The following ANKRD54 variants were observed in gnomAD, a reference collection of about 807,000 sequenced individuals.
ANKRD54 encodes ankyrin repeat domain 54, also known as ankyrin repeat domain-containing protein 54.
A neutral mutation model predicts 36.2 loss-of-function variants in ANKRD54; 26 were observed. The observed-to-expected ratio is 0.72, with a 90% CI of 0.53 to 1.00. The LOEUF is 1.00. Among genes scored for constraint, ANKRD54 ranks in the 50% least tolerant of loss-of-function variants. ANKRD54 has a pLI of 0.00. For missense variants in ANKRD54, 384 were observed against 424.3 expected (o/e 0.91, Z 0.83); for synonymous variants, 209 against 188.4 (o/e 1.11, Z -0.89).
At chr22:37,840,051 G>A in intron 2 of ANKRD54, 136 bp downstream of exon 2, 1 of 1,017,770 alleles carries the variant, frequency 9.8e-7, no homozygotes, top group Non-Finnish European at 1.5e-6. Context: ...TGACTGCACA[G>A]TCAGACAATA....
chr22:37,841,804 C>T (rs1047802671), intron 1 of ANKRD54, among the ~76,000 whole-genome samples: 11 of 150,788 alleles, frequency 7.3e-5, no homozygotes, highest in South Asian at 2.1e-4. Context: ...GCCAAGATCG[C>T]GCCACTGCAC....
At chr22:37,838,768 T>G (rs1923857937) in intron 2 of ANKRD54, among the ~76,000 whole-genome samples, 170 bp from the exon 3 acceptor site, 1 of 152,118 alleles carries the variant, frequency 6.6e-6, no homozygotes, top group Non-Finnish European at 1.5e-5. Flanking sequence ...AAGCAACTTG[T>G]TCTTCTGAGG....
intron 1 of ANKRD54, 100 bp from the exon 2 acceptor site, chr22:37,840,334 A>G (rs1924070663): frequency 6.3e-6 from 8 of 1,273,548 alleles, no homozygotes; most frequent in Admixed American, 3.4e-5. Context: ...CAAGGCAGGC[A>G]GATCACAAGG....
chr22:37,832,129 C>T (rs750135116), intron 7 of ANKRD54, 112 bp from the exon 8 acceptor site: 13 of 1,010,336 alleles, frequency 1.3e-5, no homozygotes, highest in African/African-American at 4.8e-5. Flanking sequence ...CCTCCCAGGG[C>T]GTGTGGTGGC....
rs1450300420 is a variant in ANKRD54, at chr22:37,843,956, C to T, written c.283G>A (p.Ala95Thr). ...KIPAGRLRRA[A>T]RPHRRLGPTG... ...GGCCCGAGCCGCCGGTGGGGCCTGG[C>T]AGCGCGCCTCAGCCGGCCAGCGGGT... Residue 95 changes from alanine (A) to threonine (T), a missense_variant, in exon 1 of 8, where the codon GCC becomes ACC. By Grantham distance (58) the Ala-to-Thr change is moderately conservative. Around this residue, in one of 3 missense-constraint regions of ANKRD54, gnomAD observed 195 missense variants for 177.7 expected, o/e 1.10. Coordinates refer to ENST00000215941, the MANE Select transcript of ANKRD54 (RefSeq NM_138797.4). 7.2e-7 allele frequency: 1 copy of T among 1,398,400 alleles called. No homozygotes were observed. Among genetic ancestry groups the T allele is most frequent in the Non-Finnish European group, 9.3e-7 (1 of 1,078,796 alleles). The allele number at this position is 1,398,400 out of a possible 1,614,324, so 86.6% of individuals were successfully genotyped here.
intron 1 of ANKRD54, 167 bp downstream of exon 1, chr22:37,843,744 A>T: frequency 5.5e-6 from 2 of 363,046 alleles, no homozygotes; most frequent in Non-Finnish European, 9.3e-6. Context: ...CATCATCACC[A>T]TCGTTACTGA....
intron 1 of ANKRD54, among the ~76,000 whole-genome samples, chr22:37,842,944 C>A (rs994702197): frequency 2.0e-5 from 3 of 152,168 alleles, no homozygotes; most frequent in African/African-American, 7.2e-5. Context: ...GCTATGTGAC[C>A]TGGAATAAGA....
At chr22:37,845,845 G>A (rs1924808428), upstream of ANKRD54, among the ~76,000 whole-genome samples, 1 of 151,660 alleles carries the variant, frequency 6.6e-6, no homozygotes, top group South Asian at 2.1e-4. Context: ...CTCCAGCCTG[G>A]GTGACAGAGC....
chr22:37,844,188 C>G lies in ANKRD54; in HGVS notation c.51G>C (p.Ser17=). Residue 17 remains serine (S), a synonymous_variant, in exon 1 of 8, where the codon TCG becomes TCC. Transcript: ENST00000215941. ...DADDEPRSGH[S]SSEGECAVAP... is the part of the protein sequence containing the mutation. ...CCACCGCGCACTCGCCCTCCGAGCT[C>G]GAGTGGCCTGAGCGCGGCTCGTCGT... 1 of 1,516,266 alleles carries G rather than the reference C, an allele frequency of 6.6e-7. No individual in the cohort carries two copies. The highest frequency in any genetic ancestry group is 8.8e-7 in the Non-Finnish European group (1 of 1,140,562). 93.9% of individuals were successfully genotyped at this position (1,516,266 alleles called of 1,614,324 possible).
chr22:37,838,234 C>T (rs1439792261), intron 3 of ANKRD54, among the ~76,000 whole-genome samples: 2 of 152,326 alleles, frequency 1.3e-5, no homozygotes, highest in Admixed American at 6.5e-5. Flanking sequence ...CTGGGCCCTG[C>T]ACTCTCCAGT....
chr22:37,833,041 GGGGT>G lies in ANKRD54; in HGVS notation c.633_636del (p.Pro212CysfsTer8). The G allele has an allele frequency of 6.2e-7, 1 of 1,614,210 alleles. No homozygotes were observed. The highest frequency in any genetic ancestry group is 8.5e-7 in the Non-Finnish European group (1 of 1,180,030). On this transcript the variant is annotated frameshift_variant, in exon 6 of 8. Coordinates refer to ENST00000215941, the MANE Select transcript of ANKRD54 (RefSeq NM_138797.4). LOFTEE classifies it high-confidence loss of function. ...TTCAGCTTTGACTTGGCCAGGTGCA[GGGGT>G]GTGCGACCAGCTCGGTCCAGGGCAT...
chr22:37,847,313 C>G (rs1256332314), upstream of ANKRD54, among the ~76,000 whole-genome samples: 7 of 151,776 alleles, frequency 4.6e-5, no homozygotes, highest in Non-Finnish European at 1.0e-4. Context: ...CAGGCATATG[C>G]CACCATGCCC....
chr22:37,847,567 G>A (rs959883638), upstream of ANKRD54: 7 of 425,196 alleles, frequency 1.6e-5, no homozygotes, highest in Non-Finnish European at 3.2e-5. Flanking sequence ...TGGAAGATGA[G>A]GGTTGGTTAG....
At chr22:37,843,696 G>A (rs1453319099) in intron 1 of ANKRD54, 2 of 298,990 alleles carry the variant, frequency 6.7e-6, no homozygotes, top group African/African-American at 2.2e-5. Context: ...AGAAGACTGG[G>A]GTGACTGGCT....
At position 37,832,730 on chromosome 22, in the gene ANKRD54, C is replaced by T. The variant is rs771139290; in HGVS notation, c.735G>A (p.Leu245=). Residue 245 remains leucine, a synonymous_variant, in exon 7 of 8, where the codon CTG becomes CTA. Transcript: ENST00000215941. Reference sequence around the variant, plus strand: ...GCCCTAGGCGCTCCAGATACTCCCTCAGCATATGGATGATCTGGAACAAGA... The same window carrying T: ...GCCCTAGGCGCTCCAGATACTCCCTTAGCATATGGATGATCTGGAACAAGA... ...RLEVKQIIHM[L]REYLERLGQH... 6.2e-7 allele frequency: 1 copy of T among 1,614,156 alleles called. No homozygotes were observed. Among genetic ancestry groups the T allele is most frequent in the South Asian group, 1.1e-5 (1 of 91,090 alleles).
chr22:37,846,064 A>G (rs1297338448), upstream of ANKRD54, among the ~76,000 whole-genome samples: 2 of 151,312 alleles, frequency 1.3e-5, no homozygotes, highest in South Asian at 2.1e-4. Flanking sequence ...AGTCCCAGCT[A>G]CTCAGGAGGC....
In ANKRD54 at chr22:37,844,285, C is replaced by T; in HGVS notation, c.-47G>A. The T allele has an allele frequency of 6.5e-7, 1 of 1,534,550 alleles. No homozygotes were observed. Among genetic ancestry groups the T allele is most frequent in the Non-Finnish European group, 8.7e-7 (1 of 1,146,486 alleles). On this transcript the variant is annotated 5_prime_UTR_variant, in exon 1 of 8. Transcript: ENST00000215941. The stretch of plus-strand genomic sequence containing the variant: ...TGGCCGCCTGAGCCTCGTTCCCGAC[C>T]GACCAACGGACCTACTTCCCTCCGC...
upstream of ANKRD54, among the ~76,000 whole-genome samples, chr22:37,846,587 G>T (rs1044051722): frequency 6.6e-6 from 1 of 152,126 alleles, no homozygotes; most frequent in African/African-American, 2.4e-5. Context: ...TTACAGGAGT[G>T]AGCCACAGTG....
chr22:37,841,078 T>C, intron 1 of ANKRD54, among the ~76,000 whole-genome samples: 1 of 86,266 alleles, frequency 1.2e-5, no homozygotes, highest in Middle Eastern at 4.3e-3. Context: ...TGAGACTGTC[T>C]CAGGAAAAAA....
Sources: gnomAD v4.1 joint callset for allele counts (sites outside exome capture counted in the v4.1 genomes callset) on GRCh38, gnomAD v4.1.1 for gene constraint, gnomAD v4.1.1 regional missense constraint, MANE v1.5 for transcripts, NCBI Gene and HGNC (gene_info 2026-07-23, HGNC 2026-07-21) for gene names.